Variants in SYT2 observed in about 807,000 individuals in gnomAD.
SYT2 encodes synaptotagmin-2.
A neutral mutation model predicts 39.9 loss-of-function variants in SYT2; 15 were observed. That is an observed-to-expected ratio of 0.38 (90% confidence interval 0.25 to 0.58). The LOEUF (loss-of-function observed/expected upper bound fraction) is 0.58. Ranked by LOEUF, SYT2 falls within the 20% of genes least tolerant of loss-of-function variation. SYT2 has a pLI of 0.70. For missense variants in SYT2, 389 were observed against 530.3 expected, an observed-to-expected ratio of 0.73 and a Z score of 2.62; for synonymous variants, 181 against 204.5, an observed-to-expected ratio of 0.89 and a Z score of 0.98.
At chr1:202,707,964 G>T (rs1283326991) in intron 1 of SYT2, among the ~76,000 whole-genome samples, 1 of 152,120 alleles carries the variant, frequency 6.6e-6, no homozygotes, top group Admixed American at 6.5e-5. Flanking sequence ...AAGGGTAGAA[G>T]GAATAAAACG....
In SYT2 at chr1:202,592,249, G is replaced by A. The variant is rs1183583654; in HGVS notation, c.*4508C>T. 1.3e-5 allele frequency: 2 copies of A among 152,898 alleles called. No homozygotes were observed. The highest frequency in any genetic ancestry group is 3.4e-3 in the Middle Eastern group (1 of 294). 9.5% of individuals were successfully genotyped at this position (152,898 alleles called of 1,614,324 possible). On this transcript the variant is annotated 3_prime_UTR_variant, in exon 9 of 9. Coordinates refer to ENST00000367268, the MANE Select transcript of SYT2 (RefSeq NM_177402.5). Reference sequence around the variant, plus strand: ...CAGGCTGGACACTGCACCGGGCCCTGAGGTTTGGCTCTGCAGGCAGATGTG... The same window carrying A: ...CAGGCTGGACACTGCACCGGGCCCTAAGGTTTGGCTCTGCAGGCAGATGTG...
intron 1 of SYT2, among the ~76,000 whole-genome samples, chr1:202,681,630 C>T (rs1653528042): frequency 6.6e-6 from 1 of 152,196 alleles, no homozygotes; most frequent in South Asian, 2.1e-4. Flanking sequence ...CAGGACCAGC[C>T]TAATGATCGG....
At chr1:202,617,076 T>C (rs896106022) in intron 1 of SYT2, among the ~76,000 whole-genome samples, 1 of 152,188 alleles carries the variant, frequency 6.6e-6, no homozygotes, top group Admixed American at 6.5e-5. Context: ...ATGCTCTCCA[T>C]CCAGCAGCAC....
chr1:202,646,404 C>T (rs867182092), intron 1 of SYT2, among the ~76,000 whole-genome samples: 1 of 152,216 alleles, frequency 6.6e-6, no homozygotes, highest in Non-Finnish European at 1.5e-5. Context: ...CTGTGCTTCT[C>T]CTCTGCAGCC....
At chr1:202,629,881 T>TGGG (rs1691527876) in intron 1 of SYT2, among the ~76,000 whole-genome samples, 3 of 49,620 alleles carry the variant, frequency 6.0e-5, no homozygotes, top group African/African-American at 2.0e-4. Context: ...GGGGGGGGGG[T>TGGG]GGTACGGCAG....
chr1:202,685,041 G>A (rs185535376), intron 1 of SYT2, among the ~76,000 whole-genome samples: 1 of 152,306 alleles, frequency 6.6e-6, no homozygotes, highest in East Asian at 1.9e-4. Flanking sequence ...AGGAGGACAT[G>A]GAAGCCGGGA....
intron 5 of SYT2, 37 bp from the exon 6 acceptor site, chr1:202,602,094 G>T: frequency 6.2e-7 from 1 of 1,609,992 alleles, no homozygotes; most frequent in Non-Finnish European, 8.5e-7. Flanking sequence ...GGGCCAGAGC[G>T]ACTCACGCAC....
chr1:202,639,226 G>A (rs566341255), intron 1 of SYT2, among the ~76,000 whole-genome samples: 1 of 152,276 alleles, frequency 6.6e-6, no homozygotes, highest in South Asian at 2.1e-4. Context: ...AAATGGGAAG[G>A]TTGGACCCCA....
chr1:202,638,057 C>G (rs1241316478), intron 1 of SYT2, among the ~76,000 whole-genome samples: 1 of 152,254 alleles, frequency 6.6e-6, no homozygotes, highest in African/African-American at 2.4e-5. Flanking sequence ...TGAGCCCTTC[C>G]TGCTGCAGTA....
At position 202,638,931 on chromosome 1, in the gene SYT2, T is replaced by C. The variant is rs570690078; in HGVS notation, c.-17-33142A>G. On this transcript the variant is annotated intron_variant, in intron 1 of 8. Transcript: ENST00000367268. ...AGCAAGCTGCCAGCCTCAACAGCTC[T>C]GAGCAGGGGCCAACTGTGACAAGCT... Among the ~76,000 whole-genome samples the C allele has an allele frequency of 6.6e-4, 100 of 152,350 alleles. 2 individuals carry two copies. Among genetic ancestry groups the C allele is most frequent in the African/African-American group, 2.1e-3 (88 of 41,590 alleles).
At chr1:202,696,422 T>C (rs776819744) in intron 1 of SYT2, among the ~76,000 whole-genome samples, 2 of 152,334 alleles carry the variant, frequency 1.3e-5, no homozygotes, top group South Asian at 4.1e-4. Context: ...TAAGCCCCCA[T>C]TATAAACACT....
At chr1:202,684,042 T>C (rs1377008746) in intron 1 of SYT2, among the ~76,000 whole-genome samples, 2 of 152,064 alleles carry the variant, frequency 1.3e-5, no homozygotes, top group Admixed American at 6.6e-5. Flanking sequence ...TACTGAAATA[T>C]ATTACAGTAA....
intron 1 of SYT2, among the ~76,000 whole-genome samples, chr1:202,705,122 G>A (rs1335579461): frequency 6.6e-6 from 1 of 152,280 alleles, no homozygotes; most frequent in Non-Finnish European, 1.5e-5. Context: ...AGGAGAGGAG[G>A]AAGGGTTCTG....
chr1:202,662,641 T>G (rs1368889011), intron 1 of SYT2, among the ~76,000 whole-genome samples: 2 of 152,194 alleles, frequency 1.3e-5, no homozygotes, highest in African/African-American at 4.8e-5. Context: ...CTAACTTCCC[T>G]GGACATGTGC....
intron 1 of SYT2, among the ~76,000 whole-genome samples, chr1:202,625,084 GGTTTGT>G (rs1691343451): frequency 1.3e-5 from 2 of 152,124 alleles, no homozygotes. Flanking sequence ...GTGTGTGTGT[GGTTTGT>G]GTGTGGTATG....
chr1:202,602,292 G>T, intron 5 of SYT2, 86 bp downstream of exon 5: 1 of 1,450,344 alleles, frequency 6.9e-7, no homozygotes, highest in Non-Finnish European at 9.5e-7. Flanking sequence ...CTGAGCCATG[G>T]CTAAGGACCA....
intron 1 of SYT2, among the ~76,000 whole-genome samples, chr1:202,625,106 G>GT (rs1558436167): frequency 8.8e-6 from 1 of 114,052 alleles, no homozygotes; most frequent in African/African-American, 3.7e-5. Context: ...GTATGTGTGT[G>GT]GTGTGTGTGG....
At chr1:202,706,110 G>T (rs775006512) in intron 1 of SYT2, among the ~76,000 whole-genome samples, 1 of 152,040 alleles carries the variant, frequency 6.6e-6, no homozygotes, top group East Asian at 1.9e-4. Context: ...TCTGGGCCTG[G>T]ATCCAAATTT....
chr1:202,620,528 C>G (rs1392345628), intron 1 of SYT2, among the ~76,000 whole-genome samples: 1 of 151,286 alleles, frequency 6.6e-6, no homozygotes, highest in Non-Finnish European at 1.5e-5. Context: ...AGGTGAGTAT[C>G]AAAAAGAATG....
Sources: gnomAD v4.1 joint callset for allele counts (sites outside exome capture counted in the v4.1 genomes callset) on GRCh38, gnomAD v4.1.1 for gene constraint, MANE v1.5 for transcripts, NCBI Gene and HGNC (gene_info 2026-07-23, HGNC 2026-07-21) for gene names.